Variants in GSK3B observed in about 807,000 individuals in gnomAD.
GSK3B encodes glycogen synthase kinase-3 beta.
GSK3B carries 15 observed loss-of-function variants against 56.4 expected under a neutral mutation model. The observed-to-expected ratio is 0.27, with a 90% CI of 0.18 to 0.41. GSK3B has a LOEUF of 0.41. GSK3B is among the 10% of genes least tolerant of loss of function. GSK3B has a pLI of 1.00. For missense variants in GSK3B, 300 were observed against 513.4 expected (o/e 0.58, Z 4.02); for synonymous variants, 181 against 188.9 (o/e 0.96, Z 0.34).
chr3:120,025,540 G>A (rs1173118585), intron 1 of GSK3B, among the ~76,000 whole-genome samples: 1 of 152,128 alleles, frequency 6.6e-6, no homozygotes, highest in African/African-American at 2.4e-5. Context: ...CCAATATAAG[G>A]ATAATTATTG....
chr3:119,841,822 CTT>C (rs2055776137), intron 10 of GSK3B, among the ~76,000 whole-genome samples: 1 of 152,180 alleles, frequency 6.6e-6, no homozygotes, highest in African/African-American at 2.4e-5. Context: ...TCTTTCCAGA[CTT>C]TTCCTGAACA....
At chr3:119,949,008 C>G (rs539750967) in intron 2 of GSK3B, among the ~76,000 whole-genome samples, 1 of 152,172 alleles carries the variant, frequency 6.6e-6, no homozygotes, top group Non-Finnish European at 1.5e-5. Flanking sequence ...AGCCTCTATA[C>G]TTTGTTAATT....
intron 9 of GSK3B, among the ~76,000 whole-genome samples, chr3:119,850,521 C>T (rs2055915799): frequency 6.6e-6 from 1 of 152,244 alleles, no homozygotes; most frequent in African/African-American, 2.4e-5. Flanking sequence ...TAAGTCCACA[C>T]TTTTTATGGG....
At chr3:119,929,911 A>AT (rs1208617166) in intron 3 of GSK3B, among the ~76,000 whole-genome samples, 1 of 150,682 alleles carries the variant, frequency 6.6e-6, no homozygotes, top group African/African-American at 2.5e-5. Context: ...CAAAAAAAAA[A>AT]AAAAAAAATA....
At chr3:119,995,434 T>A (rs1437587084) in intron 2 of GSK3B, among the ~76,000 whole-genome samples, 1 of 152,102 alleles carries the variant, frequency 6.6e-6, no homozygotes, top group Non-Finnish European at 1.5e-5. Context: ...AGGAAGTTCT[T>A]TACAGTAATG....
intron 2 of GSK3B, among the ~76,000 whole-genome samples, chr3:119,959,134 GCA>G (rs1159138395): frequency 2.6e-5 from 4 of 152,240 alleles, no homozygotes; most frequent in Non-Finnish European, 5.9e-5. Flanking sequence ...GGCCAAATTT[GCA>G]GTTTTCTTTG....
intron 1 of GSK3B, among the ~76,000 whole-genome samples, chr3:120,045,102 C>T (rs2058092361): frequency 6.6e-6 from 1 of 152,192 alleles, no homozygotes; most frequent in African/African-American, 2.4e-5. Flanking sequence ...AAAAACAGCA[C>T]TTACTAAAAT....
At chr3:119,956,180 G>A (rs766974361) in intron 2 of GSK3B, among the ~76,000 whole-genome samples, 1 of 152,148 alleles carries the variant, frequency 6.6e-6, no homozygotes, top group African/African-American at 2.4e-5. Context: ...CTATGAACAC[G>A]GTACAGTTCA....
At chr3:119,846,932 T>G (rs1436334863) in intron 9 of GSK3B, among the ~76,000 whole-genome samples, 1 of 152,206 alleles carries the variant, frequency 6.6e-6, no homozygotes, top group Non-Finnish European at 1.5e-5. Context: ...GTGGCCCATA[T>G]ACATCACAGA....
At chr3:119,908,094 A>G (rs1411164528) in intron 6 of GSK3B, among the ~76,000 whole-genome samples, 1 of 152,176 alleles carries the variant, frequency 6.6e-6, no homozygotes, top group East Asian at 1.9e-4. Flanking sequence ...ATATTAGTAT[A>G]CTTTTTGGGA....
chr3:119,876,910 T>A (rs1309355854), intron 7 of GSK3B, among the ~76,000 whole-genome samples: 2 of 152,196 alleles, frequency 1.3e-5, no homozygotes, highest in African/African-American at 4.8e-5. Flanking sequence ...TCACCAGATG[T>A]GGGCCCTTTG....
intron 4 of GSK3B, among the ~76,000 whole-genome samples, chr3:119,919,141 A>G (rs948524569): frequency 3.9e-5 from 6 of 152,238 alleles, no homozygotes; most frequent in Non-Finnish European, 8.8e-5. Flanking sequence ...TCAGAAAAGC[A>G]AAGGTGCTCA....
At chr3:119,834,507 A>G (rs1349055937) in intron 10 of GSK3B, among the ~76,000 whole-genome samples, 1 of 152,124 alleles carries the variant, frequency 6.6e-6, no homozygotes, top group Non-Finnish European at 1.5e-5. Context: ...AAGACTGTTT[A>G]TATTTGATCT....
intron 2 of GSK3B, among the ~76,000 whole-genome samples, chr3:119,957,684 C>T (rs1280824141): frequency 2.6e-5 from 4 of 152,176 alleles, no homozygotes; most frequent in African/African-American, 9.7e-5. Context: ...CTTCAATCCT[C>T]TCCACAAACC....
At chr3:119,870,972 A>G (rs2056243664) in intron 8 of GSK3B, among the ~76,000 whole-genome samples, 1 of 152,198 alleles carries the variant, frequency 6.6e-6, no homozygotes, top group South Asian at 2.1e-4. Flanking sequence ...AAACTTTGGC[A>G]GCAATTTTTG....
At chr3:120,066,465 T>C (rs529632158) in intron 1 of GSK3B, among the ~76,000 whole-genome samples, 87 of 152,228 alleles carry the variant, frequency 5.7e-4, no homozygotes, top group African/African-American at 1.6e-3. Flanking sequence ...AAACATCAAA[T>C]ATACTCAAAA....
chr3:119,961,773 A>G (rs1392471865), intron 2 of GSK3B, among the ~76,000 whole-genome samples: 1 of 152,198 alleles, frequency 6.6e-6, no homozygotes, highest in Non-Finnish European at 1.5e-5. Context: ...TTGATGGTTC[A>G]CCTCAAAAAT....
At chr3:119,976,417 T>C (rs1045889466) in intron 2 of GSK3B, among the ~76,000 whole-genome samples, 2 of 152,134 alleles carry the variant, frequency 1.3e-5, no homozygotes, top group African/African-American at 4.8e-5. Flanking sequence ...TACTGAGACA[T>C]GCTACAACAG....
chr3:119,969,733 G>A (rs572959931), intron 2 of GSK3B, among the ~76,000 whole-genome samples: 40 of 152,294 alleles, frequency 2.6e-4, no homozygotes, highest in African/African-American at 9.6e-4. Context: ...AATGGAGAAA[G>A]GATAGTCTTT....
Sources: gnomAD v4.1 joint callset for allele counts (sites outside exome capture counted in the v4.1 genomes callset) on GRCh38, gnomAD v4.1.1 for gene constraint, MANE v1.5 for transcripts, NCBI Gene and HGNC (gene_info 2026-07-23, HGNC 2026-07-21) for gene names.